LIAS: variants seen among roughly 807,000 people sequenced by gnomAD.
LIAS encodes the protein lipoic acid synthetase, also known as lipoyl synthase, mitochondrial.
A neutral mutation model predicts 49.4 loss-of-function variants in LIAS; 36 were observed. That is an observed-to-expected ratio of 0.73 (90% CI 0.56 to 0.96). LIAS has a LOEUF of 0.96. Ranked by LOEUF, LIAS falls within the 40% of genes least tolerant of loss-of-function variation. The pLI, the probability that LIAS is intolerant of heterozygous loss-of-function variation, is 0.00. For synonymous variants in LIAS, 145 were observed against 155.8 expected (o/e 0.93, Z 0.52); for missense variants, 399 against 456.3 (o/e 0.87, Z 1.14).
chr4:39,460,750 G>A, intron 1 of LIAS, 40 bp from the exon 2 acceptor site: 2 of 1,485,246 alleles, frequency 1.3e-6, no homozygotes, highest in South Asian at 1.4e-5. Flanking sequence ...AATTATTACG[G>A]ACTCCACTAA....
chr4:39,459,177 G>C lies in LIAS; in HGVS notation c.45+15G>C. 6.2e-7 allele frequency: 1 copy of C among 1,610,616 alleles called. No individual in the cohort carries two copies. Among genetic ancestry groups the C allele is most frequent in the East Asian group, 2.2e-5 (1 of 44,872 alleles). On this transcript the variant is annotated intron_variant, in intron 1 of 10. Transcript: ENST00000640888. ...TGGGGCCCCGGGTGAGCGGCGGGGC[G>C]AACGGGTTTGGGCGTGGGGTGGGGG...
chr4:39,471,266 C>T lies in LIAS; in HGVS notation c.914C>T (p.Thr305Ile). 6.2e-7 allele frequency: 1 copy of T among 1,610,008 alleles called. No homozygotes were observed. ...CGTGAGGCAGATGTAGACTGCTTGACTTTAGGACAATATATGCAGCCAACA... is the reference window on the plus strand; with the variant it reads ...CGTGAGGCAGATGTAGACTGCTTGATTTTAGGACAATATATGCAGCCAACA... ...ALREADVDCL[T>I]LGQYMQPTRR... The change falls in exon 9 of 11, where the codon ACT (threonine) becomes ATT (isoleucine). Residue 305 changes from threonine to isoleucine, a missense_variant. By Grantham distance (89) the Thr-to-Ile change is moderately conservative. Coordinates refer to ENST00000640888, the MANE Select transcript of LIAS (RefSeq NM_006859.4).
Position 39,473,187 on chromosome 4 carries a change from T to C in LIAS, c.1042T>C (p.Leu348=). 6.2e-7 allele frequency: 1 copy of C among 1,611,796 alleles called. No homozygotes were observed. The highest frequency in any genetic ancestry group is 8.5e-7 in the Non-Finnish European group (1 of 1,177,944). ...LGFHYTASGP[L]VRSSYKAGEF... ...ATTTCATTATACTGCAAGTGGCCCTTTGGTGCGTTCTTCATATAAAGCAGG... is the reference window on the plus strand; with the variant it reads ...ATTTCATTATACTGCAAGTGGCCCTCTGGTGCGTTCTTCATATAAAGCAGG... Residue 348 remains leucine, a synonymous_variant, in exon 10 of 11, where the codon TTG becomes CTG. Coordinates refer to ENST00000640888, the MANE Select transcript of LIAS (RefSeq NM_006859.4).
chr4:39,477,014 G>A, intron 10 of LIAS, 49 bp from the exon 11 acceptor site: 1 of 1,217,212 alleles, frequency 8.2e-7, no homozygotes, highest in Non-Finnish European at 1.2e-6. Flanking sequence ...TTGTCTCACT[G>A]TTATTTACTT....
intron 10 of LIAS, among the ~76,000 whole-genome samples, chr4:39,474,652 G>T (rs188510247): frequency 7.0e-4 from 106 of 151,778 alleles, no homozygotes; most frequent in African/African-American, 2.5e-3. Flanking sequence ...CTGGAGTGCA[G>T]TGGCACAATC....
Position 39,477,225 on chromosome 4 carries a change from G to C in LIAS, c.*110G>C. The C allele has an allele frequency of 1.0e-5, 8 of 798,762 alleles. No individual in the cohort carries two copies. The South Asian group carries it at 1.3e-4, about 13-fold the overall frequency. The allele number at this position is 798,762 out of a possible 1,614,324, so 49.5% of individuals were successfully genotyped here. A position where few individuals can be genotyped will look rare whatever the true frequency, so the allele number is the denominator to read the frequency against. On this transcript the variant is annotated 3_prime_UTR_variant, in exon 11 of 11. Transcript: ENST00000640888. ...TGCAGTGGATGTGCCCCACCTCTTT[G>C]CTTAAAAAAAAAAATGTCAATAGCC... is the stretch of plus-strand genomic sequence containing the variant.
chr4:39,463,493 C>A (rs1342511371), intron 3 of LIAS, 32 bp from the exon 4 acceptor site: 1 of 1,568,478 alleles, frequency 6.4e-7, no homozygotes, highest in African/African-American at 1.4e-5. Context: ...ATATTGTCAA[C>A]CTAATGGTGT....
intron 3 of LIAS, 110 bp from the exon 4 acceptor site, chr4:39,463,415 A>G (rs1473153960): frequency 4.4e-6 from 6 of 1,353,168 alleles, no homozygotes; most frequent in Middle Eastern, 2.0e-4. Context: ...GAATGTCTTC[A>G]AAAATATGTT....
chr4:39,471,446 G>A (rs1430726055), intron 9 of LIAS, 140 bp downstream of exon 9: 9 of 578,204 alleles, frequency 1.6e-5, no homozygotes, highest in South Asian at 1.2e-4. Context: ...TGATTCTCCT[G>A]CCTCACCCTC....
intron 9 of LIAS, among the ~76,000 whole-genome samples, chr4:39,471,691 T>C (rs531452858): frequency 2.0e-4 from 31 of 151,936 alleles, no homozygotes; most frequent in Admixed American, 3.9e-4. Flanking sequence ...CACACCCGAC[T>C]AATTTTTTTG....
At chr4:39,472,984 G>T in intron 9 of LIAS, 116 bp from the exon 10 acceptor site, 1 of 624,614 alleles carries the variant, frequency 1.6e-6, no homozygotes. Flanking sequence ...AAAAGCCTGG[G>T]GGTGGGGGCA....
rs1295082406 is a variant in LIAS, at chr4:39,478,291, G to A, written c.*1176G>A. 1 of 152,136 alleles carries A rather than the reference G, an allele frequency of 6.6e-6. No individual in the cohort carries two copies. The highest frequency in any genetic ancestry group is 6.6e-5 in the Admixed American group (1 of 15,262). The allele number at this position is 152,136 out of a possible 1,614,324, so 9.4% of individuals were successfully genotyped here. The stretch of plus-strand genomic sequence containing the variant: ...GGCCGAGGTGGGCAGATCACCTGAG[G>A]TCGGGAGTTTGAGAACAGCCTGGCC... On this transcript the variant is annotated 3_prime_UTR_variant, in exon 11 of 11. Coordinates refer to ENST00000640888, the MANE Select transcript of LIAS (RefSeq NM_006859.4).
chr4:39,471,248 C>T lies in LIAS; in HGVS notation c.896C>T (p.Ala299Val), dbSNP rs748175505. 1 of 1,610,406 alleles carries T rather than the reference C, an allele frequency of 6.2e-7. No homozygotes were observed. The highest frequency in any genetic ancestry group is 8.5e-7 in the Non-Finnish European group (1 of 1,177,560). Residue 299 changes from alanine (A) to valine (V), a missense_variant, in exon 9 of 11, where the codon GCA becomes GTA. Ala to Val is a moderately conservative substitution (Grantham distance 64, BLOSUM62 0). Coordinates refer to ENST00000640888, the MANE Select transcript of LIAS (RefSeq NM_006859.4). The stretch of plus-strand genomic sequence containing the variant: ...TTTCTTCCTACAGCACTTCGTGAGG[C>T]AGATGTAGACTGCTTGACTTTAGGA... ...VYATMKALRE[A>V]DVDCLTLGQY...
At position 39,459,061 on chromosome 4, in the gene LIAS, C is replaced by A; in HGVS notation, c.-57C>A. On this transcript the variant is annotated 5_prime_UTR_variant, in exon 1 of 11. Coordinates refer to ENST00000640888, the MANE Select transcript of LIAS (RefSeq NM_006859.4). The stretch of plus-strand genomic sequence containing the variant: ...TGGAGCGACGTAATTTCGACCTGTC[C>A]TTTCCCGGGAGTTAGCGATCCCTCA... The A allele has an allele frequency of 6.3e-7, 1 of 1,595,924 alleles. No homozygotes were observed. Among genetic ancestry groups the A allele is most frequent in the South Asian group, 1.1e-5 (1 of 90,694 alleles).
chr4:39,469,833 C>CTAGG (rs1258820795), intron 7 of LIAS, 186 bp from the exon 8 acceptor site: 13 of 456,282 alleles, frequency 2.8e-5, no homozygotes, highest in Non-Finnish European at 5.0e-5. Context: ...TGAGATAGAA[C>CTAGG]TAGGGAGCCC....
chr4:39,460,260 G>A (rs890357171), intron 1 of LIAS, among the ~76,000 whole-genome samples: 2 of 152,154 alleles, frequency 1.3e-5, no homozygotes, highest in Admixed American at 6.5e-5. Context: ...GGCCGGGTGC[G>A]GTGGCTTACG....
chr4:39,468,624 A>C (rs1744860084), intron 7 of LIAS, among the ~76,000 whole-genome samples: 1 of 146,942 alleles, frequency 6.8e-6, no homozygotes, highest in African/African-American at 2.5e-5. Context: ...CACGCCTATA[A>C]TCCTAGCACT....
chr4:39,471,688 G>A (rs971178794), intron 9 of LIAS, among the ~76,000 whole-genome samples: 13 of 151,368 alleles, frequency 8.6e-5, no homozygotes, highest in Non-Finnish European at 1.9e-4. Context: ...TACCACACCC[G>A]ACTAATTTTT....
intron 7 of LIAS, chr4:39,468,845 T>C (rs1744870445): frequency 7.0e-6 from 1 of 143,664 alleles, no homozygotes; most frequent in Non-Finnish European, 1.5e-5. Context: ...TGGTACTCCA[T>C]CCTGGGCGAC....
Sources: allele counts gnomAD v4.1 joint callset (sites outside exome capture counted in the v4.1 genomes callset), GRCh38; gene constraint gnomAD v4.1.1; transcripts MANE v1.5; gene names NCBI Gene and HGNC (gene_info 2026-07-23, HGNC 2026-07-21).